The following TAT variants were observed in gnomAD, a reference collection of about 807,000 sequenced individuals.
The protein encoded by TAT is L-tyrosine:2-oxoglutarate aminotransferase.
TAT carries 35 observed loss-of-function variants against 53.6 expected under a neutral mutation model. The observed-to-expected ratio is 0.65, with a 90% CI of 0.50 to 0.87. The LOEUF (loss-of-function observed/expected upper bound fraction) is 0.87. TAT is among the 40% of genes least tolerant of loss of function. TAT has a pLI of 0.00. For synonymous variants in TAT, 197 were observed against 206.5 expected (o/e 0.95, Z 0.39); for missense variants, 525 against 571.8 (o/e 0.92, Z 0.83).
At chr16:71,569,777 C>T in intron 10 of TAT, 77 bp downstream of exon 10, 2 of 1,395,178 alleles carry the variant, frequency 1.4e-6, no homozygotes, top group Non-Finnish European at 2.0e-6. Context: ...GCGTGACTGC[C>T]TGTGGCAATT....
rs1323803389 is a variant in TAT, at chr16:71,567,861, T to G, written c.*283A>C. On this transcript the variant is annotated 3_prime_UTR_variant, in exon 12 of 12. Coordinates refer to ENST00000355962, the MANE Select transcript of TAT (RefSeq NM_000353.3). Reference sequence around the variant, plus strand: ...TTTCTGGTAAACTTTGTTCACCTGGTACTTTCAAGAAAAAAAGAAGGAAAT... The same window carrying G: ...TTTCTGGTAAACTTTGTTCACCTGGGACTTTCAAGAAAAAAAGAAGGAAAT... 1 of 435,362 alleles carries G rather than the reference T, an allele frequency of 2.3e-6. No individual in the cohort carries two copies. The highest frequency in any genetic ancestry group is 3.5e-5 in the Admixed American group (1 of 28,288). 27.0% of individuals were successfully genotyped at this position (435,362 alleles called of 1,614,324 possible). A position where few individuals can be genotyped will look rare whatever the true frequency, so the allele number is the denominator to read the frequency against.
chr16:71,565,701 G>GCACACACACACACACACACACACA lies in TAT; in HGVS notation c.*2419_*2442dup, dbSNP rs59287517. On this transcript the variant is annotated 3_prime_UTR_variant, in exon 12 of 12. Transcript: ENST00000355962. Reference sequence around the variant, plus strand: ...TACTTTATTTGAAAAAATGAAAAGTGCACACACACACACACACACACACAC... The same window carrying GCACACACACACACACACACACACA: ...TACTTTATTTGAAAAAATGAAAAGTGCACACACACACACACACACACACACACACACACACACACACACACACAC... The GCACACACACACACACACACACACA allele has an allele frequency of 3.4e-5, 5 of 149,036 alleles. No homozygotes were observed. Among genetic ancestry groups the GCACACACACACACACACACACACA allele is most frequent in the African/African-American group, 1.2e-4 (5 of 40,072 alleles). 9.2% of individuals were successfully genotyped at this position (149,036 alleles called of 1,614,324 possible). A position where few individuals can be genotyped will look rare whatever the true frequency, so the allele number is the denominator to read the frequency against.
chr16:71,573,378 A>G (rs938137650), intron 4 of TAT, among the ~76,000 whole-genome samples, 161 bp downstream of exon 4: 1 of 152,182 alleles, frequency 6.6e-6, no homozygotes, highest in African/African-American at 2.4e-5. Flanking sequence ...ATAATCACTG[A>G]TTAGTGACCC....
At chr16:71,571,546 C>A in intron 7 of TAT, 60 bp downstream of exon 7, 3 of 1,486,644 alleles carry the variant, frequency 2.0e-6, no homozygotes, top group Non-Finnish European at 2.8e-6. Flanking sequence ...TATTCCACTT[C>A]TAAAGTTCCC....
intron 4 of TAT, 147 bp downstream of exon 4, chr16:71,573,392 C>A (rs1380580097): frequency 6.7e-6 from 5 of 743,084 alleles, no homozygotes; most frequent in Middle Eastern, 5.4e-4. Flanking sequence ...GTGACCCCAA[C>A]TATATGAGAA....
intron 4 of TAT, 78 bp from the exon 5 acceptor site, chr16:71,572,766 T>G: frequency 3.3e-6 from 5 of 1,532,938 alleles, no homozygotes; most frequent in Non-Finnish European, 4.5e-6. Context: ...GGTGGGTGAG[T>G]TGGGAGCAAT....
intron 3 of TAT, among the ~76,000 whole-genome samples, chr16:71,574,866 G>C (rs1276389759): frequency 6.6e-6 from 1 of 152,142 alleles, no homozygotes; most frequent in African/African-American, 2.4e-5. Flanking sequence ...GTATAGATGG[G>C]TGTCTCAAAG....
At chr16:71,574,581 C>CAAA (rs71389677) in intron 3 of TAT, among the ~76,000 whole-genome samples, 777 of 77,214 alleles carry the variant, frequency 0.01, no homozygotes, top group East Asian at 0.019. Flanking sequence ...AACTTCGTCT[C>CAAA]AAAAAAAAAA....
In TAT at chr16:71,570,714, G is replaced by T. The variant is rs371761467; in HGVS notation, c.877C>A (p.Leu293Ile). The change falls in exon 8 of 12, where the codon CTC becomes ATC. Residue 293 changes from leucine (L) to isoleucine (I), a missense_variant. Physicochemically the swap from Leu to Ile is conservative, Grantham distance 5. Coordinates refer to ENST00000355962, the MANE Select transcript of TAT (RefSeq NM_000353.3). ...LVPGWRLGWI[L>I]IHDRRDIFGN... ...AAAATGTCTCTTCGGTCATGAATGA[G>T]GATCCAGCCCAACCTCCAGCCAGGA... 32 of 1,614,054 alleles carry T rather than the reference G, an allele frequency of 2.0e-5. No individual in the cohort carries two copies. The highest frequency in any genetic ancestry group is 2.7e-5 in the Non-Finnish European group (32 of 1,180,040).
Position 71,568,061 on chromosome 16 carries a change from G to A in TAT, c.*83C>T. 3 of 1,574,082 alleles carry A rather than the reference G, an allele frequency of 1.9e-6. No homozygotes were observed. The highest frequency in any genetic ancestry group is 2.6e-6 in the Non-Finnish European group (3 of 1,145,496). Reference sequence around the variant, plus strand: ...GCATTTGAGGCCCCTCTCCCAGTAGGGCCACCTGAGTCCCTGAGGAGCCGC... The same window carrying A: ...GCATTTGAGGCCCCTCTCCCAGTAGAGCCACCTGAGTCCCTGAGGAGCCGC... On this transcript the variant is annotated 3_prime_UTR_variant, in exon 12 of 12. Transcript: ENST00000355962.
chr16:71,565,864 C>G lies in TAT; in HGVS notation c.*2280G>C, dbSNP rs781277865. 3 of 152,124 alleles carry G rather than the reference C, an allele frequency of 2.0e-5. No homozygotes were observed. The highest frequency in any genetic ancestry group is 7.2e-5 in the African/African-American group (3 of 41,404). The allele number at this position is 152,124 out of a possible 1,614,324, so 9.4% of individuals were successfully genotyped here. A position where few individuals can be genotyped will look rare whatever the true frequency, so the allele number is the denominator to read the frequency against. The stretch of plus-strand genomic sequence containing the variant: ...GTTTGTTTGTATCGTTTGAAATTGT[C>G]CAGTGTGTATGTGTTCTTTTCAAAT... On this transcript the variant is annotated 3_prime_UTR_variant, in exon 12 of 12. Coordinates refer to ENST00000355962, the MANE Select transcript of TAT (RefSeq NM_000353.3).
intron 11 of TAT, 141 bp downstream of exon 11, chr16:71,568,570 C>A: frequency 1.3e-6 from 1 of 779,478 alleles, no homozygotes. Context: ...AAATAGGATC[C>A]ATGAGACACA....
Position 71,570,407 on chromosome 16 carries a change from AC to A in TAT, c.913-11del. ...CCAGCCCATCTCGGATCTAAAAGAC[AC>A]CCACAAGAAACATGTTGTTTAGCTT... On this transcript the variant is annotated splice_polypyrimidine_tract_variant and intron_variant, in intron 8 of 11. Transcript: ENST00000355962. The A allele has an allele frequency of 6.2e-7, 1 of 1,614,092 alleles. No homozygotes were observed. The highest frequency in any genetic ancestry group is 1.1e-5 in the South Asian group (1 of 91,070).
At chr16:71,575,816 G>A (rs2044231051) in intron 3 of TAT, 106 bp downstream of exon 3, 2 of 1,180,986 alleles carry the variant, frequency 1.7e-6, no homozygotes, top group Admixed American at 3.4e-5. Flanking sequence ...CTCTCCTTAG[G>A]AATTGTGCAT....
intron 7 of TAT, among the ~76,000 whole-genome samples, chr16:71,571,092 T>C (rs1221242731): frequency 2.6e-5 from 4 of 152,224 alleles, no homozygotes; most frequent in Non-Finnish European, 5.9e-5. Flanking sequence ...TACAACTCCA[T>C]GAAGCTGGCT....
At chr16:71,569,381 G>A (rs1299815947) in intron 10 of TAT, among the ~76,000 whole-genome samples, 1 of 151,300 alleles carries the variant, frequency 6.6e-6, no homozygotes, top group African/African-American at 2.4e-5. Flanking sequence ...CTGTCTCCCA[G>A]ACGGGAGTAC....
In TAT at chr16:71,576,183, A is replaced by G. The variant is rs752458679; in HGVS notation, c.233T>C (p.Ile78Thr). 4 of 1,613,898 alleles carry G rather than the reference A, an allele frequency of 2.5e-6. No homozygotes were observed. The highest frequency in any genetic ancestry group is 1.3e-5 in the African/African-American group (1 of 75,022). ...CCTCAGTAGTGTCCCCAACTCACCA[A>G]TGGACAGGGAAATCATGGTTTTGTT... Reference protein sequence around the residue: ...NPNKTMISLSIGDPTVFGNLP... With the variant: ...NPNKTMISLSTGDPTVFGNLP... Residue 78 changes from isoleucine (I) to threonine (T), a missense_variant and splice_region_variant, in exon 2 of 12, where the codon ATT becomes ACT. Transcript: ENST00000355962.
Position 71,570,709 on chromosome 16 carries a change from A to G in TAT, c.882T>C (p.Ile294=), listed in dbSNP as rs751736180. The G allele has an allele frequency of 6.2e-7, 1 of 1,614,228 alleles. No individual in the cohort carries two copies. Among genetic ancestry groups the G allele is most frequent in the Non-Finnish European group, 8.5e-7 (1 of 1,180,046 alleles). ...TGCCAAAAATGTCTCTTCGGTCATG[A>G]ATGAGGATCCAGCCCAACCTCCAGC... The part of the protein sequence containing the change: ...VPGWRLGWIL[I]HDRRDIFGNE... The change falls in exon 8 of 12, where the codon ATT becomes ATC. Residue 294 remains isoleucine, a synonymous_variant. Transcript: ENST00000355962.
At position 71,567,784 on chromosome 16, in the gene TAT, C is replaced by T. The variant is rs1405402030; in HGVS notation, c.*360G>A. On this transcript the variant is annotated 3_prime_UTR_variant, in exon 12 of 12. Coordinates refer to ENST00000355962, the MANE Select transcript of TAT (RefSeq NM_000353.3). ...AAATGGTTGGGGGCACAAATTCTCT[C>T]AATCTTTTTCTTTTCCCTCATCCTG... The T allele has an allele frequency of 3.1e-6, 1 of 323,630 alleles. No homozygotes were observed. The highest frequency in any genetic ancestry group is 6.0e-6 in the Non-Finnish European group (1 of 167,294). 20.0% of individuals were successfully genotyped at this position (323,630 alleles called of 1,614,324 possible). A position where few individuals can be genotyped will look rare whatever the true frequency, so the allele number is the denominator to read the frequency against.
Sources: allele counts gnomAD v4.1 joint callset (sites outside exome capture counted in the v4.1 genomes callset), GRCh38; gene constraint gnomAD v4.1.1; transcripts MANE v1.5; gene names NCBI Gene and HGNC (gene_info 2026-07-23, HGNC 2026-07-21).